EXOC6: variants seen among roughly 807,000 people sequenced by gnomAD.
The protein encoded by EXOC6 is SEC15-like 1.
EXOC6 carries 60 observed loss-of-function variants against 112.5 expected under a neutral mutation model. The observed-to-expected ratio is 0.53, with a 90% CI of 0.43 to 0.66. EXOC6 has a LOEUF of 0.66. Ranked by LOEUF, EXOC6 falls within the 30% of genes least tolerant of loss-of-function variation. The pLI, the probability that EXOC6 is intolerant of heterozygous loss-of-function variation, is 0.00. For missense variants in EXOC6, 855 were observed against 957.1 expected (o/e 0.89, Z 1.41); for synonymous variants, 295 against 308.0 (o/e 0.96, Z 0.44).
intron 20 of EXOC6, among the ~76,000 whole-genome samples, chr10:93,050,338 G>A (rs1590114024): frequency 6.6e-6 from 1 of 151,904 alleles, no homozygotes; most frequent in African/African-American, 2.4e-5. Flanking sequence ...ATCACTTGAG[G>A]CCAGGAGTTT....
Position 92,899,618 on chromosome 10 carries a change from G to A in EXOC6, c.432G>A (p.Lys144=). 6.2e-7 allele frequency: 1 copy of A among 1,608,488 alleles called. No homozygotes were observed. The highest frequency in any genetic ancestry group is 8.5e-7 in the Non-Finnish European group (1 of 1,177,572). The part of the protein sequence containing the change: ...LCLPVLEMYS[K]LKEQMSAKRY... ...ATGCAGTGCTAGAAATGTACAGTAAGCTGAAAGAACAGATGAGTGCCAAAA... is the reference window on the plus strand; with the variant it reads ...ATGCAGTGCTAGAAATGTACAGTAAACTGAAAGAACAGATGAGTGCCAAAA... The change falls in exon 5 of 22, where the codon AAG becomes AAA. Residue 144 remains lysine, a synonymous_variant. Coordinates refer to ENST00000260762, the MANE Select transcript of EXOC6 (RefSeq NM_019053.6).
chr10:93,017,567 C>T (rs764433100), intron 20 of EXOC6, among the ~76,000 whole-genome samples: 3 of 151,396 alleles, frequency 2.0e-5, no homozygotes, highest in Non-Finnish European at 4.4e-5. Context: ...CCCAGCCTGG[C>T]GACAGAGCAA....
chr10:92,834,583 AGTC>A (rs1277768034), upstream of EXOC6: 1 of 555,978 alleles, frequency 1.8e-6, no homozygotes, highest in East Asian at 2.9e-5. Flanking sequence ...TATAGCATGA[AGTC>A]AGACAGTGAG....
At chr10:93,011,568 A>T (rs1844249363) in intron 19 of EXOC6, among the ~76,000 whole-genome samples, 1 of 152,190 alleles carries the variant, frequency 6.6e-6, no homozygotes, top group Non-Finnish European at 1.5e-5. Flanking sequence ...AGCCAAAAAA[A>T]GTATTTTTTT....
chr10:92,893,301 A>C, intron 1 of EXOC6, 48 bp from the exon 2 acceptor site: 2 of 1,382,516 alleles, frequency 1.4e-6, no homozygotes, highest in Non-Finnish European at 9.8e-7. Flanking sequence ...GATCAGGCTT[A>C]CTAAATAATA....
At chr10:92,862,690 C>G (rs1490673051) in intron 1 of EXOC6, among the ~76,000 whole-genome samples, 1 of 152,098 alleles carries the variant, frequency 6.6e-6, no homozygotes, top group Non-Finnish European at 1.5e-5. Flanking sequence ...AAGAAAAATC[C>G]TGTCTCAAGA....
At chr10:92,851,891 T>C (rs117394954) in intron 1 of EXOC6, among the ~76,000 whole-genome samples, 1 of 152,060 alleles carries the variant, frequency 6.6e-6, no homozygotes, top group East Asian at 1.9e-4. Context: ...GGTAACATAA[T>C]GAGACCTTGT....
intron 8 of EXOC6, among the ~76,000 whole-genome samples, chr10:92,927,077 T>A (rs1259356732): frequency 6.6e-6 from 1 of 152,222 alleles, no homozygotes; most frequent in Non-Finnish European, 1.5e-5. Flanking sequence ...TAAAAATATT[T>A]TCTGCATTTT....
chr10:92,899,189 T>C (rs1281747082), intron 4 of EXOC6, among the ~76,000 whole-genome samples: 1 of 152,106 alleles, frequency 6.6e-6, no homozygotes, highest in Non-Finnish European at 1.5e-5. Flanking sequence ...GTATGTTGAG[T>C]CAAAAATCAG....
At chr10:93,040,922 C>A (rs963379976) in intron 20 of EXOC6, among the ~76,000 whole-genome samples, 1 of 152,208 alleles carries the variant, frequency 6.6e-6, no homozygotes, top group South Asian at 2.1e-4. Flanking sequence ...GTCCTTAGAA[C>A]ACTGCTCCCT....
At chr10:92,984,379 C>T (rs1313300912) in intron 18 of EXOC6, among the ~76,000 whole-genome samples, 1 of 151,974 alleles carries the variant, frequency 6.6e-6, no homozygotes, top group Admixed American at 6.5e-5. Flanking sequence ...TGTCTTCTTT[C>T]CAAGAGGCCT....
At chr10:92,830,342 TA>T (rs1846454051), upstream of EXOC6, among the ~76,000 whole-genome samples, 4 of 151,976 alleles carry the variant, frequency 2.6e-5, no homozygotes, top group South Asian at 8.3e-4. Context: ...TAAACTTACT[TA>T]AAAAAAGGTT....
In EXOC6 at chr10:92,920,006, G is replaced by T; in HGVS notation, c.844G>T (p.Asp282Tyr). ...EEILTVQDLVDFSPVYRCLHI... is the reference protein window; with the variant it reads ...EEILTVQDLVYFSPVYRCLHI... ...GATCTTAACTGTTCAGGATCTTGTT[G>T]ATTTTTCCCCTGTTTATCGATGTTT... The change falls in exon 8 of 22, where the codon GAT (aspartate) becomes TAT (tyrosine). Residue 282 changes from aspartate (D) to tyrosine (Y), a missense_variant. Coordinates refer to ENST00000260762, the MANE Select transcript of EXOC6 (RefSeq NM_019053.6). 1 of 1,606,422 alleles carries T rather than the reference G, an allele frequency of 6.2e-7. No individual in the cohort carries two copies. The highest frequency in any genetic ancestry group is 1.1e-5 in the South Asian group (1 of 89,736).
intron 1 of EXOC6, among the ~76,000 whole-genome samples, chr10:92,864,586 G>A (rs1848081859): frequency 6.6e-6 from 1 of 152,228 alleles, no homozygotes; most frequent in African/African-American, 2.4e-5. Context: ...ACTAGCATTT[G>A]CATCAGTAGA....
Position 92,974,116 on chromosome 10 carries a change from G to T in EXOC6, c.1837G>T (p.Val613Phe). The change falls in exon 18 of 22, where the codon GTT becomes TTT. Residue 613 changes from valine to phenylalanine, a missense_variant. By Grantham distance (50) the Val-to-Phe change is conservative. Around this residue, in one of 2 missense-constraint regions of EXOC6, gnomAD observed 450 missense variants for 563.5 expected, o/e 0.80. Transcript: ENST00000260762. ...TKLNQKIDEFVQLADYDWTMS... is the reference protein window; with the variant it reads ...TKLNQKIDEFFQLADYDWTMS... ...ACTGAATCAAAAAATTGATGAATTTGTTCAGCTTGCTGATTATGACTGGAC... is the reference window on the plus strand; with the variant it reads ...ACTGAATCAAAAAATTGATGAATTTTTTCAGCTTGCTGATTATGACTGGAC... 3 of 1,604,508 alleles carry T rather than the reference G, an allele frequency of 1.9e-6. No individual in the cohort carries two copies. Among genetic ancestry groups the T allele is most frequent in the Non-Finnish European group, 2.5e-6 (3 of 1,177,968 alleles).
chr10:93,002,926 C>T (rs1045927572), intron 19 of EXOC6, among the ~76,000 whole-genome samples: 1 of 152,088 alleles, frequency 6.6e-6, no homozygotes, highest in African/African-American at 2.4e-5. Context: ...TCAGGATTAA[C>T]ATAAAATCCT....
At chr10:92,895,543 G>T (rs1443013836) in intron 4 of EXOC6, among the ~76,000 whole-genome samples, 1 of 152,056 alleles carries the variant, frequency 6.6e-6, no homozygotes, top group Non-Finnish European at 1.5e-5. Context: ...GCTGTTTCTG[G>T]TCTCTTTGTT....
chr10:92,915,401 C>CA (rs752210022), intron 6 of EXOC6, among the ~76,000 whole-genome samples: 3 of 149,494 alleles, frequency 2.0e-5, no homozygotes, highest in Admixed American at 6.8e-5. Context: ...ACAAAAAAAA[C>CA]AAAAAAACAA....
At chr10:92,964,241 A>T (rs570942369) in intron 17 of EXOC6, among the ~76,000 whole-genome samples, 2 of 151,512 alleles carry the variant, frequency 1.3e-5, no homozygotes, top group Non-Finnish European at 2.9e-5. Flanking sequence ...TTATATATAT[A>T]TTTTTAAAAA....
Sources: allele counts gnomAD v4.1 joint callset (sites outside exome capture counted in the v4.1 genomes callset), GRCh38; gene constraint gnomAD v4.1.1; regional missense constraint gnomAD v4.1.1; transcripts MANE v1.5; gene names NCBI Gene and HGNC (gene_info 2026-07-23, HGNC 2026-07-21).